CAPN2: variants seen among roughly 807,000 people sequenced by gnomAD.
The protein encoded by CAPN2 is calpain-2 catalytic subunit.
Under a neutral mutation model 102.3 loss-of-function variants are expected in CAPN2, and 92 were observed. That is an observed-to-expected ratio of 0.90 (90% confidence interval 0.76 to 1.07). CAPN2 has a LOEUF of 1.07. Among genes scored for constraint, CAPN2 ranks in the 50% least tolerant of loss-of-function variants. The pLI is 0.00. For missense variants in CAPN2, 800 were observed against 909.4 expected (o/e 0.88, Z 1.55); for synonymous variants, 340 against 355.4 (o/e 0.96, Z 0.49).
intron 2 of CAPN2, among the ~76,000 whole-genome samples, chr1:223,722,297 T>C (rs866466635): frequency 0.11 from 14,937 of 136,104 alleles, 1,007 homozygotes; most frequent in African/African-American, 0.16. Flanking sequence ...TTTTTTTTTT[T>C]TTTTTTTTGA....
chr1:223,751,705 C>T (rs1162845896), intron 7 of CAPN2, among the ~76,000 whole-genome samples: 2 of 152,244 alleles, frequency 1.3e-5, no homozygotes, highest in African/African-American at 4.8e-5. Flanking sequence ...CTGAGCTACT[C>T]CATCTCCCTC....
upstream of CAPN2, among the ~76,000 whole-genome samples, chr1:223,711,757 C>T (rs1028907112): frequency 7.2e-5 from 11 of 152,174 alleles, no homozygotes; most frequent in Admixed American, 3.3e-4. Flanking sequence ...ATCACAGGTG[C>T]CTGCCACGAC....
At chr1:223,718,161 G>A (rs974800859) in intron 2 of CAPN2, among the ~76,000 whole-genome samples, 4 of 152,214 alleles carry the variant, frequency 2.6e-5, no homozygotes, top group Middle Eastern at 3.2e-3. Context: ...AGTGGTTCAC[G>A]AAATACACTC....
At chr1:223,742,529 T>A (rs1261111617) in intron 2 of CAPN2, among the ~76,000 whole-genome samples, 1 of 130,962 alleles carries the variant, frequency 7.6e-6, no homozygotes, top group African/African-American at 3.1e-5. Flanking sequence ...TTTTTTTTTT[T>A]TTTTTTGAGA....
Position 223,714,971 on chromosome 1 carries a change from C to T in CAPN2, c.237+2094C>T, listed in dbSNP as rs139170411. 3.5e-4 allele frequency among the ~76,000 whole-genome samples: 53 copies of T among 152,258 alleles called. No homozygotes were observed. In the East Asian group the frequency reaches 9.5e-3, roughly 27 times the overall value. ...CAACTAAGGAAGAGTGTGACTTTTA[C>T]GATCCCCATTTGCCAGTTGAAGAAA... On this transcript the variant is annotated intron_variant, in intron 1 of 20. Coordinates refer to ENST00000295006, the MANE Select transcript of CAPN2 (RefSeq NM_001748.5).
chr1:223,751,597 A>C (rs1660899733), intron 7 of CAPN2, among the ~76,000 whole-genome samples: 1 of 143,690 alleles, frequency 7.0e-6, no homozygotes, highest in Non-Finnish European at 1.5e-5. Flanking sequence ...ACAGAGAGAC[A>C]CCTGCTGAGG....
intron 2 of CAPN2, among the ~76,000 whole-genome samples, chr1:223,740,859 G>T (rs547499826): frequency 6.6e-6 from 1 of 152,080 alleles, no homozygotes; most frequent in Non-Finnish European, 1.5e-5. Flanking sequence ...GTCCAATTTC[G>T]AATTCAATTA....
At chr1:223,742,777 T>C (rs1294256960) in intron 2 of CAPN2, among the ~76,000 whole-genome samples, 2 of 152,172 alleles carry the variant, frequency 1.3e-5, no homozygotes, top group East Asian at 3.9e-4. Flanking sequence ...GACCTTGGCC[T>C]CCCAAAGTGT....
In CAPN2 at chr1:223,750,938, T is replaced by C; in HGVS notation, c.862T>C (p.Trp288Arg). 1 of 1,552,506 alleles carries C rather than the reference T, an allele frequency of 6.4e-7. No homozygotes were observed. The highest frequency in any genetic ancestry group is 8.7e-7 in the Non-Finnish European group (1 of 1,147,356). ...GAAACTGATCCGCATCCGAAATCCC[T>C]GGGGAGAAGTGGAGTGGACAGGGCG... ...LQKLIRIRNP[W>R]GEVEWTGRWN... The change falls in exon 7 of 21, where the codon TGG becomes CGG. Residue 288 changes from tryptophan (W) to arginine (R), a missense_variant. Coordinates refer to ENST00000295006, the MANE Select transcript of CAPN2 (RefSeq NM_001748.5).
At chr1:223,728,487 G>A (rs1571789192) in intron 2 of CAPN2, among the ~76,000 whole-genome samples, 1 of 152,144 alleles carries the variant, frequency 6.6e-6, no homozygotes, top group African/African-American at 2.4e-5. Context: ...CATCACTTCT[G>A]CCATATCCTA....
chr1:223,710,228 A>G (rs1435680946), upstream of CAPN2, among the ~76,000 whole-genome samples: 1 of 152,010 alleles, frequency 6.6e-6, no homozygotes, highest in Non-Finnish European at 1.5e-5. Context: ...GTTAGCTGAG[A>G]TCGTCAAGAT....
At chr1:223,715,485 AC>A (rs1200468926) in intron 1 of CAPN2, among the ~76,000 whole-genome samples, 1 of 152,138 alleles carries the variant, frequency 6.6e-6, no homozygotes, top group Non-Finnish European at 1.5e-5. Flanking sequence ...AAGTGAGAAT[AC>A]GGGTTGTGGG....
Position 223,774,908 on chromosome 1 carries a change from G to A in CAPN2, c.*51G>A. 1 of 1,514,492 alleles carries A rather than the reference G, an allele frequency of 6.6e-7. No homozygotes were observed. Among genetic ancestry groups the A allele is most frequent in the Non-Finnish European group, 9.1e-7 (1 of 1,093,700 alleles). The allele number at this position is 1,514,492 out of a possible 1,614,324, so 93.8% of individuals were successfully genotyped here. On this transcript the variant is annotated 3_prime_UTR_variant, in exon 21 of 21. Coordinates refer to ENST00000295006, the MANE Select transcript of CAPN2 (RefSeq NM_001748.5). Reference sequence around the variant, plus strand: ...TTCTCATGATGGAAAATCAGCCAAGGACTAAGCTTCCATAGAAATACACTT... The same window carrying A: ...TTCTCATGATGGAAAATCAGCCAAGAACTAAGCTTCCATAGAAATACACTT...
At chr1:223,704,501 T>G (rs1263170983) in intron 1 of CAPN2, among the ~76,000 whole-genome samples, 1 of 152,158 alleles carries the variant, frequency 6.6e-6, no homozygotes, top group Non-Finnish European at 1.5e-5. Flanking sequence ...GTCAGCAACG[T>G]TTTCCCTATT....
chr1:223,752,205 T>C, intron 8 of CAPN2, 134 bp downstream of exon 8: 1 of 644,966 alleles, frequency 1.6e-6, no homozygotes, highest in Non-Finnish European at 2.7e-6. Flanking sequence ...ATCCTGGTTT[T>C]GTTATTTTAA....
rs573117609 is a variant in CAPN2, at chr1:223,765,080, A to G, written c.1690+873A>G. ...CAATCCAGGAAGCAGAGTTTTGAAC[A>G]TATCAGAAGTTAGGAATCTGCATCA... is the stretch of plus-strand genomic sequence containing the variant. On this transcript the variant is annotated intron_variant, in intron 15 of 20. Coordinates refer to ENST00000295006, the MANE Select transcript of CAPN2 (RefSeq NM_001748.5). Among the ~76,000 whole-genome samples the G allele has an allele frequency of 1.1e-4, 17 of 152,340 alleles. 1 individual carries two copies. Among genetic ancestry groups the G allele is most frequent in the East Asian group, 5.8e-4 (3 of 5,192 alleles).
In CAPN2 at chr1:223,727,271, T is replaced by C. The variant is rs1660220008; in HGVS notation, c.307+9440T>C. ...AAATATAACGCAAAACAGGTACGAT[T>C]TGAGATCCATCAGGGTTTCTCAACC... On this transcript the variant is annotated intron_variant, in intron 2 of 20. Coordinates refer to ENST00000295006, the MANE Select transcript of CAPN2 (RefSeq NM_001748.5). This position sits in a 1 kb window ranked among gnomAD's most constrained non-coding sequence, Gnocchi z 4.1. Among the ~76,000 whole-genome samples, 4 of 152,172 alleles carry C rather than the reference T, an allele frequency of 2.6e-5. No homozygotes were observed. Among genetic ancestry groups the C allele is most frequent in the Admixed American group, 2.6e-4 (4 of 15,282 alleles).
chr1:223,712,831 G>A lies in CAPN2; in HGVS notation c.191G>A (p.Gly64Glu), dbSNP rs202121109. The A allele has an allele frequency of 6.4e-7, 1 of 1,565,656 alleles. No individual in the cohort carries two copies. The highest frequency in any genetic ancestry group is 1.4e-5 in the African/African-American group (1 of 71,662). ...TCGGCCCTGGGCTTCAAGGAGTTGG[G>A]GCCCTACTCCAGCAAAACCCGGGGC... The part of the protein sequence containing the change: ...IPSALGFKEL[G>E]PYSSKTRGIE... The change falls in exon 1 of 21, where the codon GGG (glycine) becomes GAG (glutamate). Residue 64 changes from glycine to glutamate, a missense_variant. Physicochemically the swap from Gly to Glu is moderately conservative, Grantham distance 98. Coordinates refer to ENST00000295006, the MANE Select transcript of CAPN2 (RefSeq NM_001748.5).
At chr1:223,774,763 T>G in intron 20 of CAPN2, 71 bp from the exon 21 acceptor site, 1 of 1,382,658 alleles carries the variant, frequency 7.2e-7, no homozygotes, top group Non-Finnish European at 1.0e-6. Flanking sequence ...TGGAACAATC[T>G]ACAGGTACTT....
Sources: allele counts gnomAD v4.1 joint callset (sites outside exome capture counted in the v4.1 genomes callset), GRCh38; gene constraint gnomAD v4.1.1; non-coding constraint Gnocchi (gnomAD v3.1); transcripts MANE v1.5; gene names NCBI Gene and HGNC (gene_info 2026-07-23, HGNC 2026-07-21).